CRPPA: variants seen among roughly 807,000 people sequenced by gnomAD.
CRPPA encodes CDP-L-ribitol pyrophosphorylase A.
CRPPA carries 43 observed loss-of-function variants against 52.0 expected under a neutral mutation model. That is an observed-to-expected ratio of 0.83 (90% CI 0.65 to 1.07). The LOEUF is 1.07. Ranked by LOEUF, CRPPA falls within the 50% of genes least tolerant of loss-of-function variation. The pLI is 0.00. For synonymous variants in CRPPA, 250 were observed against 203.5 expected, an observed-to-expected ratio of 1.23 and a Z score of -1.94; for missense variants, 629 against 551.7, an observed-to-expected ratio of 1.14 and a Z score of -1.40.
At chr7:16,365,506 AG>A (rs1786567884) in intron 3 of CRPPA, among the ~76,000 whole-genome samples, 1 of 152,230 alleles carries the variant, frequency 6.6e-6, no homozygotes, top group Admixed American at 6.5e-5. Context: ...GTAGTATCAC[AG>A]GAGACAGTGA....
intron 9 of CRPPA, among the ~76,000 whole-genome samples, chr7:16,098,959 A>C (rs1233551805): frequency 6.6e-6 from 1 of 152,240 alleles, no homozygotes; most frequent in African/African-American, 2.4e-5. Flanking sequence ...ATACTAATGA[A>C]AATGCACTTG....
intron 6 of CRPPA, among the ~76,000 whole-genome samples, chr7:16,274,185 G>A (rs968715716): frequency 6.6e-5 from 10 of 152,268 alleles, no homozygotes; most frequent in Admixed American, 4.6e-4. Flanking sequence ...GAGTAGCTGG[G>A]ACTACAGATG....
chr7:16,297,074 T>C (rs1248858704), intron 5 of CRPPA, among the ~76,000 whole-genome samples: 3 of 152,176 alleles, frequency 2.0e-5, no homozygotes, highest in Non-Finnish European at 4.4e-5. Context: ...GCTATGTGAA[T>C]CAGAGGTACA....
intron 9 of CRPPA, among the ~76,000 whole-genome samples, chr7:16,138,520 T>A (rs1006386195): frequency 1.3e-5 from 2 of 152,180 alleles, no homozygotes; most frequent in African/African-American, 2.4e-5. Context: ...TATTAACCTA[T>A]GTTTCATGTT....
chr7:16,240,137 T>G (rs1177764719), intron 8 of CRPPA, among the ~76,000 whole-genome samples: 2 of 151,486 alleles, frequency 1.3e-5, no homozygotes, highest in Non-Finnish European at 2.9e-5. Context: ...CACCGTCAAT[T>G]CTTTCTATTC....
intron 9 of CRPPA, among the ~76,000 whole-genome samples, chr7:16,096,560 T>TA (rs556598917): frequency 3.8e-4 from 58 of 150,740 alleles, no homozygotes; most frequent in African/African-American, 1.1e-3. Flanking sequence ...TTGAAGATAG[T>TA]AAAAAAAAAA....
chr7:16,097,520 A>C (rs556653925), intron 9 of CRPPA, among the ~76,000 whole-genome samples: 1 of 152,300 alleles, frequency 6.6e-6, no homozygotes, highest in East Asian at 1.9e-4. Context: ...GCACAAAAGA[A>C]GAGCTCTAAT....
At chr7:16,299,040 T>C in intron 5 of CRPPA, among the ~76,000 whole-genome samples, 1 of 152,206 alleles carries the variant, frequency 6.6e-6, no homozygotes. Context: ...AGCCAATCCC[T>C]CATAATAAAT....
At chr7:16,217,141 C>G (rs1244541759) in intron 8 of CRPPA, among the ~76,000 whole-genome samples, 5 of 147,144 alleles carry the variant, frequency 3.4e-5, no homozygotes, top group African/African-American at 1.0e-4. Context: ...CCCCTGACCC[C>G]CGAGCAGCCT....
At chr7:16,185,798 A>T (rs988752462) in intron 9 of CRPPA, among the ~76,000 whole-genome samples, 1 of 152,214 alleles carries the variant, frequency 6.6e-6, no homozygotes, top group Admixed American at 6.5e-5. Flanking sequence ...ACTGATTGGA[A>T]AAGTGAACAA....
chr7:16,336,516 A>C (rs960805927), intron 3 of CRPPA, among the ~76,000 whole-genome samples: 1 of 151,308 alleles, frequency 6.6e-6, no homozygotes, highest in African/African-American at 2.4e-5. Context: ...GTATCAAAGC[A>C]TACCACCACA....
chr7:16,092,612 C>T (rs1781858738), intron 9 of CRPPA, among the ~76,000 whole-genome samples: 1 of 152,168 alleles, frequency 6.6e-6, no homozygotes. Flanking sequence ...CTTCTGTCCT[C>T]AATTACTGGA....
At chr7:16,190,005 T>C (rs1161764871) in intron 9 of CRPPA, among the ~76,000 whole-genome samples, 1 of 152,206 alleles carries the variant, frequency 6.6e-6, no homozygotes, top group Non-Finnish European at 1.5e-5. Flanking sequence ...GGACATTTAC[T>C]GATAGTAAAT....
chr7:16,146,969 C>T (rs1782986108), intron 9 of CRPPA, among the ~76,000 whole-genome samples: 1 of 152,106 alleles, frequency 6.6e-6, no homozygotes, highest in Admixed American at 6.6e-5. Flanking sequence ...GACATAGGGG[C>T]TACACAGATT....
chr7:16,329,373 T>C (rs1240349700), intron 3 of CRPPA, among the ~76,000 whole-genome samples: 3 of 139,132 alleles, frequency 2.2e-5, no homozygotes, highest in African/African-American at 7.7e-5. Flanking sequence ...TAGATTCTTA[T>C]TAAAATTGTA....
chr7:16,212,658 T>C (rs1782181952), intron 9 of CRPPA, among the ~76,000 whole-genome samples: 1 of 152,206 alleles, frequency 6.6e-6, no homozygotes, highest in South Asian at 2.1e-4. Flanking sequence ...GAGTGAGATA[T>C]GTATGTATAA....
chr7:16,124,069 G>C (rs895640989), intron 9 of CRPPA, among the ~76,000 whole-genome samples: 7 of 149,566 alleles, frequency 4.7e-5, no homozygotes, highest in African/African-American at 1.5e-4. Flanking sequence ...TAAATAACCA[G>C]TAGTTGGATT....
chr7:16,373,856 C>T (rs10257504), intron 3 of CRPPA, among the ~76,000 whole-genome samples: 50,783 of 151,938 alleles, frequency 0.33, 8,683 homozygotes, highest in South Asian at 0.43. Context: ...AGTTAGACAT[C>T]TGTGACCTTC....
chr7:16,119,844 G>A (rs1782447795), intron 9 of CRPPA, among the ~76,000 whole-genome samples: 1 of 152,182 alleles, frequency 6.6e-6, no homozygotes, highest in Admixed American at 6.5e-5. Context: ...ACAACTAAGA[G>A]AAGGTATCAA....
Sources: allele counts gnomAD v4.1 joint callset (sites outside exome capture counted in the v4.1 genomes callset), GRCh38; gene constraint gnomAD v4.1.1; transcripts MANE v1.5; gene names NCBI Gene and HGNC (gene_info 2026-07-23, HGNC 2026-07-21).